ARX: variants seen among roughly 807,000 people sequenced by gnomAD.
ARX encodes homeobox protein ARX.
In ARX, 1 loss-of-function variant was observed where a neutral mutation model predicts 23.1. The ratio of observed to expected loss-of-function variants is 0.04; its 90% CI spans 0.02 to 0.21. The LOEUF is 0.21. ARX is among the 10% of genes least tolerant of loss of function. The pLI is 1.00. For synonymous variants in ARX, 301 were observed against 270.1 expected, an observed-to-expected ratio of 1.11 and a Z score of -1.12; for missense variants, 380 against 527.5, an observed-to-expected ratio of 0.72 and a Z score of 2.74.
At position 25,015,732 on chromosome X, in the gene ARX, G is replaced by A; in HGVS notation, c.6C>T (p.Ser2=). Residue 2 remains serine, a synonymous_variant, in exon 1 of 5, where the codon AGC becomes AGT. Transcript: ENST00000379044. ...AGCAGCCCTCCTCCTGGTACTGATT[G>A]CTCATGGCTGGGGCTTTTTCCCAGG... M[S]NQYQEEGCSE... 2 of 1,195,778 alleles carry A rather than the reference G, an allele frequency of 1.7e-6. No homozygotes were observed. Among genetic ancestry groups the A allele is most frequent in the East Asian group, 3.0e-5 (1 of 33,275 alleles).
intron 1 of ARX, among the ~76,000 whole-genome samples, chrX:25,014,688 GAA>G (rs893827991): frequency 1.8e-5 from 2 of 112,919 alleles, no homozygotes; most frequent in African/African-American, 6.4e-5. Context: ...AAAAAGAAAA[GAA>G]AAAAGTCAGT....
At position 25,004,477 on chromosome X, in the gene ARX, C is replaced by G; in HGVS notation, c.*193G>C. Reference sequence around the variant, plus strand: ...GGCAGGGGCAGGGGCGGGTGGACAGCCAGCCGAGGAGGTGCCACGTCCCGG... The same window carrying G: ...GGCAGGGGCAGGGGCGGGTGGACAGGCAGCCGAGGAGGTGCCACGTCCCGG... On this transcript the variant is annotated 3_prime_UTR_variant, in exon 5 of 5. Coordinates refer to ENST00000379044, the MANE Select transcript of ARX (RefSeq NM_139058.3). 1.4e-6 allele frequency: 1 copy of G among 720,502 alleles called. No individual in the cohort carries two copies. The highest frequency in any genetic ancestry group is 2.0e-6 in the Non-Finnish European group (1 of 501,798). The allele number at this position is 720,502 out of a possible 1,213,427, so 59.4% of individuals were successfully genotyped here. A position where few individuals can be genotyped will look rare whatever the true frequency, so the allele number is the denominator to read the frequency against.
chrX:25,004,641 G>C lies in ARX; in HGVS notation c.*29C>G, dbSNP rs1237060371. Reference sequence around the variant, plus strand: ...TGAGTGAGGTGACCTTTCGGGGCGCGCGCGGGGCGCGGGTGTGGAGGGCAG... The same window carrying C: ...TGAGTGAGGTGACCTTTCGGGGCGCCCGCGGGGCGCGGGTGTGGAGGGCAG... On this transcript the variant is annotated 3_prime_UTR_variant, in exon 5 of 5. Coordinates refer to ENST00000379044, the MANE Select transcript of ARX (RefSeq NM_139058.3). The C allele has an allele frequency of 1.7e-6, 2 of 1,163,829 alleles. No individual in the cohort carries two copies. The highest frequency in any genetic ancestry group is 1.9e-5 in the South Asian group (1 of 52,601).
intron 2 of ARX, 113 bp from the exon 3 acceptor site, chrX:25,010,418 GC>G (rs1265216194): frequency 1.2e-5 from 11 of 885,971 alleles, no homozygotes; most frequent in East Asian, 3.3e-5. Flanking sequence ...CTGGCTGCCT[GC>G]CCCCCACCCC....
intron 4 of ARX, 133 bp downstream of exon 4, chrX:25,006,978 G>T: frequency 1.3e-6 from 1 of 779,585 alleles, no homozygotes; most frequent in Non-Finnish European, 1.7e-6. Flanking sequence ...TATTTTCTTT[G>T]GCTACAGTCT....
Position 25,004,864 on chromosome X carries a change from C to A in ARX, c.1495G>T (p.Ala499Ser). Reference sequence around the variant, plus strand: ...GCGGGTGTGGGCTGTCTCAGGAGCGCGGCCGCGGTCGACGCGCTGGTCAGG... The same window carrying A: ...GCGGGTGTGGGCTGTCTCAGGAGCGAGGCCGCGGTCGACGCGCTGGTCAGG... ...APLTSASTAA[A>S]LLRQPTPAVE... The change falls in exon 5 of 5, where the codon GCG becomes TCG. Residue 499 changes from alanine to serine, a missense_variant. Physicochemically the swap from Ala to Ser is moderately conservative, Grantham distance 99. Around this residue, in one of 3 missense-constraint regions of ARX, gnomAD observed 121 missense variants for 169.7 expected, o/e 0.71. Coordinates refer to ENST00000379044, the MANE Select transcript of ARX (RefSeq NM_139058.3). The A allele has an allele frequency of 8.7e-7, 1 of 1,147,041 alleles. No individual in the cohort carries two copies. Among genetic ancestry groups the A allele is most frequent in the Non-Finnish European group, 1.2e-6 (1 of 866,264 alleles). 94.5% of individuals were successfully genotyped at this position (1,147,041 alleles called of 1,213,427 possible).
intron 3 of ARX, among the ~76,000 whole-genome samples, chrX:25,008,875 C>G (rs886091073): frequency 7.1e-5 from 8 of 112,074 alleles, no homozygotes; most frequent in African/African-American, 2.6e-4. Context: ...ACTTCCAAGT[C>G]GGCCAAAAGG....
chrX:25,004,870 C>G lies in ARX; in HGVS notation c.1489G>C (p.Ala497Pro), dbSNP rs1556046847. Residue 497 changes from alanine to proline, a missense_variant, in exon 5 of 5, where the codon GCG becomes CCG. By Grantham distance (27) the Ala-to-Pro change is conservative. Coordinates refer to ENST00000379044, the MANE Select transcript of ARX (RefSeq NM_139058.3). ...TMAPLTSAST[A>P]AALLRQPTPA... is the part of the protein sequence containing the mutation. ...GTGGGCTGTCTCAGGAGCGCGGCCG[C>G]GGTCGACGCGCTGGTCAGGGGGGCC... 8.7e-7 allele frequency: 1 copy of G among 1,146,719 alleles called. No individual in the cohort carries two copies. Among genetic ancestry groups the G allele is most frequent in the Non-Finnish European group, 1.2e-6 (1 of 866,031 alleles). The allele number at this position is 1,146,719 out of a possible 1,213,427, so 94.5% of individuals were successfully genotyped here.
At chrX:25,007,856 T>C (rs1417789383) in intron 3 of ARX, among the ~76,000 whole-genome samples, 1 of 111,038 alleles carries the variant, frequency 9.0e-6, no homozygotes, top group Non-Finnish European at 1.9e-5. Context: ...ACTTCACTCA[T>C]AAGGCTGTTA....
rs387906492 is a variant in ARX, at chrX:25,013,659, T to TGCC, written c.333_335dup (p.Ala115dup). The stretch of plus-strand genomic sequence containing the variant: ...GACCCGCCGTGGCCGTGGCGGCCGC[T>TGCC]GCCGCCGCCGCCGCCGCCGCCGCCG... On this transcript the variant is annotated inframe_insertion, in exon 2 of 5. Coordinates refer to ENST00000379044, the MANE Select transcript of ARX (RefSeq NM_139058.3). The TGCC allele has an allele frequency of 5.1e-4, 390 of 770,684 alleles. No homozygotes were observed. The highest frequency in any genetic ancestry group is 2.2e-3 in the Middle Eastern group (3 of 1,391). 63.5% of individuals were successfully genotyped at this position (770,684 alleles called of 1,213,427 possible). A position where few individuals can be genotyped will look rare whatever the true frequency, so the allele number is the denominator to read the frequency against.
At chrX:25,010,850 C>T (rs2048699153) in intron 2 of ARX, among the ~76,000 whole-genome samples, 1 of 110,746 alleles carries the variant, frequency 9.0e-6, no homozygotes, top group African/African-American at 3.3e-5. Flanking sequence ...TTCCTCCCTC[C>T]ATCATCCCCT....
Position 25,015,895 on chromosome X carries a change from G to T in ARX, c.-158C>A. ...TTTCTGCCTCCCTTGGTTGCCGGCT[G>T]CCGGCTCCCGCCCTGCCCGCGGCCC... On this transcript the variant is annotated 5_prime_UTR_variant, in exon 1 of 5. Transcript: ENST00000379044. The T allele has an allele frequency of 1.7e-6, 1 of 601,004 alleles. No individual in the cohort carries two copies. Among genetic ancestry groups the T allele is most frequent in the Non-Finnish European group, 2.7e-6 (1 of 375,946 alleles). The allele number at this position is 601,004 out of a possible 1,213,427, so 49.5% of individuals were successfully genotyped here.
At chrX:25,005,466 G>A (rs2048673869) in intron 4 of ARX, among the ~76,000 whole-genome samples, 1 of 112,533 alleles carries the variant, frequency 8.9e-6, no homozygotes, top group Non-Finnish European at 1.9e-5. Context: ...AACAGGCCTA[G>A]CTCGCCGGCC....
chrX:25,008,330 T>C (rs982357232), intron 3 of ARX, among the ~76,000 whole-genome samples: 1 of 113,023 alleles, frequency 8.8e-6, no homozygotes, highest in Admixed American at 9.3e-5. Context: ...ATGATAGGTG[T>C]AGACTTTTCA....
intron 2 of ARX, among the ~76,000 whole-genome samples, chrX:25,011,890 AC>A (rs2048703875): frequency 8.9e-6 from 1 of 112,917 alleles, no homozygotes; most frequent in Admixed American, 9.3e-5. Flanking sequence ...CTAGGCAGTC[AC>A]CGATCCCTTT....
chrX:25,009,775 C>T (rs2048694077), intron 3 of ARX, among the ~76,000 whole-genome samples: 1 of 112,075 alleles, frequency 8.9e-6, no homozygotes, highest in Non-Finnish European at 1.9e-5. Flanking sequence ...GGAAATCAAA[C>T]AGCATTTTGC....
Position 25,004,508 on chromosome X carries a change from C to G in ARX, c.*162G>C. The G allele has an allele frequency of 2.1e-6, 2 of 951,764 alleles. No homozygotes were observed. The highest frequency in any genetic ancestry group is 2.8e-6 in the Non-Finnish European group (2 of 704,308). 78.4% of individuals were successfully genotyped at this position (951,764 alleles called of 1,213,427 possible). ...GAGGAGGTGCCACGTCCCGGAGCGC[C>G]GAGGGCTGCCATGCCCGCATCCAGA... On this transcript the variant is annotated 3_prime_UTR_variant, in exon 5 of 5. Coordinates refer to ENST00000379044, the MANE Select transcript of ARX (RefSeq NM_139058.3).
intron 4 of ARX, 101 bp downstream of exon 4, chrX:25,007,010 A>G (rs182486798): frequency 2.1e-6 from 2 of 975,043 alleles, no homozygotes; most frequent in African/African-American, 4.0e-5. Flanking sequence ...TCAAAGAAAA[A>G]GATGTGTGTA....
chrX:25,013,695 C>A lies in ARX; in HGVS notation c.300G>T (p.Ala100=). ...CCGCCGCCGCCGCCGCCGCCGCTGC[C>A]GCACCCTGAAGGAGGCGGCCCCCGC... is the stretch of plus-strand genomic sequence containing the variant. The part of the protein sequence containing the change: ...GPGGGRLLQG[A]AAAAAAAAAA... The change falls in exon 2 of 5, where the codon GCG becomes GCT. Residue 100 remains alanine (A), a synonymous_variant. Transcript: ENST00000379044. The A allele has an allele frequency of 1.1e-6, 1 of 890,726 alleles. No individual in the cohort carries two copies. Among genetic ancestry groups the A allele is most frequent in the Non-Finnish European group, 1.4e-6 (1 of 727,675 alleles). The allele number at this position is 890,726 out of a possible 1,213,427, so 73.4% of individuals were successfully genotyped here. A position where few individuals can be genotyped will look rare whatever the true frequency, so the allele number is the denominator to read the frequency against.
Sources: gnomAD v4.1 joint callset for allele counts (sites outside exome capture counted in the v4.1 genomes callset) on GRCh38, gnomAD v4.1.1 for gene constraint, gnomAD v4.1.1 regional missense constraint, MANE v1.5 for transcripts, NCBI Gene and HGNC (gene_info 2026-07-23, HGNC 2026-07-21) for gene names.